The following WDR27 variants were observed in gnomAD, a reference collection of about 807,000 sequenced individuals.
WDR27 encodes the protein WD repeat-containing protein 27.
A neutral mutation model predicts 114.4 loss-of-function variants in WDR27; 100 were observed. That is an observed-to-expected ratio of 0.87 (90% CI 0.74 to 1.03). The LOEUF (loss-of-function observed/expected upper bound fraction) is 1.03. Ranked by LOEUF, WDR27 falls within the 50% of genes least tolerant of loss-of-function variation. The probability of loss-of-function intolerance (pLI) is 0.00; values close to 1 mark genes in which losing one functional copy is unlikely to be tolerated. For synonymous variants in WDR27, 449 were observed against 423.1 expected (o/e 1.06, Z -0.75); for missense variants, 1,129 against 1,092.9 (o/e 1.03, Z -0.47).
At chr6:169,594,436 A>G (rs1487494673) in intron 23 of WDR27, among the ~76,000 whole-genome samples, 1 of 152,210 alleles carries the variant, frequency 6.6e-6, no homozygotes, top group Non-Finnish European at 1.5e-5. Context: ...AAGATAATGC[A>G]TTATCAATTA....
At chr6:169,672,057 A>T in intron 3 of WDR27, 198 bp downstream of exon 3, 1 of 486,810 alleles carries the variant, frequency 2.1e-6, no homozygotes, top group Non-Finnish European at 3.6e-6. Flanking sequence ...CGTAAGTCTG[A>T]ATGGCCTGGG....
chr6:169,697,356 C>A (rs1184272285), intron 1 of WDR27, among the ~76,000 whole-genome samples: 1 of 152,100 alleles, frequency 6.6e-6, no homozygotes, highest in Non-Finnish European at 1.5e-5. Flanking sequence ...ATGCTCTTTG[C>A]CAGGTGGACC....
chr6:169,701,732 C>T lies in WDR27; in HGVS notation c.-189G>A, dbSNP rs909100092. The T allele has an allele frequency of 8.9e-5, 21 of 236,852 alleles. No homozygotes were observed. The highest frequency in any genetic ancestry group is 4.1e-4 in the African/African-American group (17 of 41,812). 14.7% of individuals were successfully genotyped at this position (236,852 alleles called of 1,614,324 possible). A position where few individuals can be genotyped will look rare whatever the true frequency, so the allele number is the denominator to read the frequency against. On this transcript the variant is annotated 5_prime_UTR_variant, in exon 1 of 26. Coordinates refer to ENST00000448612, the MANE Select transcript of WDR27 (RefSeq NM_182552.5). ...CGGGCAACGGCTCTGGTCCAGAGCGCGCGTGTCCGCCGTTGGAAGCGGTCA... is the reference window on the plus strand; with the variant it reads ...CGGGCAACGGCTCTGGTCCAGAGCGTGCGTGTCCGCCGTTGGAAGCGGTCA...
At chr6:169,448,386 G>A in the WDR27 span, among the ~76,000 whole-genome samples, 31 of 127,028 alleles carry the variant, frequency 2.4e-4, no homozygotes, top group African/African-American at 9.2e-4. Flanking sequence ...CTCTGTCTCT[G>A]TCTCTATGTG....
At chr6:169,570,524 T>G (rs1801205937) in intron 25 of WDR27, among the ~76,000 whole-genome samples, 1 of 152,210 alleles carries the variant, frequency 6.6e-6, no homozygotes, top group African/African-American at 2.4e-5. Context: ...CAGTCCTTTC[T>G]GTTATCTTTA....
At chr6:169,674,867 T>C (rs1779682984) in intron 2 of WDR27, among the ~76,000 whole-genome samples, 1 of 152,036 alleles carries the variant, frequency 6.6e-6, no homozygotes, top group African/African-American at 2.4e-5. Flanking sequence ...TGGGGTTTTA[T>C]AGGATTTGGG....
intron 23 of WDR27, among the ~76,000 whole-genome samples, chr6:169,588,104 G>GA (rs1193017567): frequency 6.6e-6 from 1 of 152,186 alleles, no homozygotes; most frequent in Non-Finnish European, 1.5e-5. Flanking sequence ...ATTTACTGGA[G>GA]AGACGAACAG....
chr6:169,434,976 T>C, the WDR27 span, among the ~76,000 whole-genome samples: 2 of 152,102 alleles, frequency 1.3e-5, no homozygotes, highest in East Asian at 3.9e-4. Flanking sequence ...GAGTAAAAAA[T>C]GGTTTCATGG....
intron 5 of WDR27, among the ~76,000 whole-genome samples, chr6:169,667,763 AC>A (rs1828265301): frequency 6.6e-6 from 1 of 152,230 alleles, no homozygotes; most frequent in Non-Finnish European, 1.5e-5. Context: ...GGGCCGCAGA[AC>A]CGTCCTGTCA....
intron 16 of WDR27, 106 bp downstream of exon 16, chr6:169,647,667 T>G (rs564965360): frequency 1.8e-6 from 2 of 1,087,196 alleles, no homozygotes; most frequent in Admixed American, 4.2e-5. Flanking sequence ...CCAAGGTTTT[T>G]AAAAATATAT....
chr6:169,530,050 T>C (rs1402901744), intron 25 of WDR27, among the ~76,000 whole-genome samples: 2 of 152,234 alleles, frequency 1.3e-5, no homozygotes, highest in African/African-American at 2.4e-5. Flanking sequence ...ACAGTCCAAC[T>C]GTCACATTCC....
chr6:169,459,664 G>A (rs1784684761), intron 25 of WDR27, among the ~76,000 whole-genome samples: 1 of 151,758 alleles, frequency 6.6e-6, no homozygotes. Flanking sequence ...ACTTTCAAAG[G>A]CCAAAGGCAA....
At chr6:169,434,102 T>C in the WDR27 span, among the ~76,000 whole-genome samples, 1 of 152,236 alleles carries the variant, frequency 6.6e-6, no homozygotes, top group Non-Finnish European at 1.5e-5. Context: ...TTAGATCCCA[T>C]TTGTCAATTT....
chr6:169,615,930 T>TTA (rs1175819301), intron 21 of WDR27, among the ~76,000 whole-genome samples: 5 of 142,150 alleles, frequency 3.5e-5, no homozygotes, highest in African/African-American at 1.3e-4. Context: ...TACGCTGGAT[T>TTA]TTAAGAAAAG....
chr6:169,685,616 C>G (rs946859308), intron 2 of WDR27, among the ~76,000 whole-genome samples: 2 of 151,990 alleles, frequency 1.3e-5, no homozygotes, highest in African/African-American at 2.4e-5. Context: ...CTTCATCACG[C>G]TGAAGAAAGA....
At chr6:169,464,371 A>G (rs1176919379) in intron 25 of WDR27, among the ~76,000 whole-genome samples, 1 of 152,210 alleles carries the variant, frequency 6.6e-6, no homozygotes, top group Non-Finnish European at 1.5e-5. Context: ...TACAGCACAG[A>G]GAAAAACTAC....
At chr6:169,582,110 A>T (rs1584375143) in intron 24 of WDR27, among the ~76,000 whole-genome samples, 1 of 152,038 alleles carries the variant, frequency 6.6e-6, no homozygotes, top group Admixed American at 6.6e-5. Context: ...AGTAGCTGGG[A>T]TTATACGCGC....
At position 169,662,547 on chromosome 6, in the gene WDR27, G is replaced by A. The variant is rs564759800; in HGVS notation, c.905-123C>T. On this transcript the variant is annotated intron_variant, in intron 8 of 25. Transcript: ENST00000448612. ...TGCACCGTGGAGTCACTCGGATCAC[G>A]CGTCGAGGAAAGCACTAAGGTAACA... is the stretch of plus-strand genomic sequence containing the variant. 42 of 1,295,546 alleles carry A rather than the reference G, an allele frequency of 3.2e-5. No individual in the cohort carries two copies. The African/African-American group carries it at 4.4e-4, about 14-fold the overall frequency. The allele number at this position is 1,295,546 out of a possible 1,614,324, so 80.3% of individuals were successfully genotyped here. A position where few individuals can be genotyped will look rare whatever the true frequency, so the allele number is the denominator to read the frequency against.
chr6:169,662,650 C>T (rs1029423703), intron 8 of WDR27, among the ~76,000 whole-genome samples: 6 of 140,414 alleles, frequency 4.3e-5, no homozygotes, highest in South Asian at 2.3e-4. Flanking sequence ...CCCAGCATGA[C>T]GCGCATGCAC....
Sources: allele counts gnomAD v4.1 joint callset (sites outside exome capture counted in the v4.1 genomes callset), GRCh38; gene constraint gnomAD v4.1.1; transcripts MANE v1.5; gene names NCBI Gene and HGNC (gene_info 2026-07-23, HGNC 2026-07-21).